The following EBNA1BP2 variants were observed in gnomAD, a reference collection of about 807,000 sequenced individuals.
EBNA1BP2 encodes the protein EBNA1 binding protein 2, also known as probable rRNA-processing protein EBP2.
A neutral mutation model predicts 43.5 loss-of-function variants in EBNA1BP2; 36 were observed. That is an observed-to-expected ratio of 0.83 (90% confidence interval 0.63 to 1.09). EBNA1BP2 has a LOEUF of 1.09. Among genes scored for constraint, EBNA1BP2 ranks in the 50% least tolerant of loss-of-function variants. The pLI is 0.00. For missense variants in EBNA1BP2, 332 were observed against 379.1 expected (o/e 0.88, Z 1.03); for synonymous variants, 127 against 141.3 (o/e 0.90, Z 0.72).
rs1197857459 is a variant in EBNA1BP2 at position 43,169,252 on chromosome 1, T to TCCC, written c.448-225_448-224insGGG. 1.9e-4 allele frequency among the ~76,000 whole-genome samples: 29 copies of TCCC among 152,312 alleles called. 1 individual carries two copies. The highest frequency in any genetic ancestry group is 7.0e-4 in the African/African-American group (29 of 41,562). ...AGTCACCTTCCCGCTCCCAGTGTGC[T>TCCC]GTCTGTTTCATTATACAAACTGCCT... On this transcript the variant is annotated intron_variant, in intron 4 of 8. Coordinates refer to ENST00000236051, the MANE Select transcript of EBNA1BP2 (RefSeq NM_006824.3).
intron 7 of EBNA1BP2, among the ~76,000 whole-genome samples, chr1:43,165,152 T>C (rs758738443): frequency 6.6e-6 from 1 of 152,198 alleles, no homozygotes; most frequent in Non-Finnish European, 1.5e-5. Context: ...GGTAAATACA[T>C]GCAGTTAACA....
In EBNA1BP2 at chr1:43,164,385, T is replaced by C. The variant is rs1442555307; in HGVS notation, c.*58A>G. The C allele has an allele frequency of 6.2e-7, 1 of 1,600,906 alleles. No individual in the cohort carries two copies. The highest frequency in any genetic ancestry group is 1.3e-5 in the African/African-American group (1 of 74,696). The stretch of plus-strand genomic sequence containing the variant: ...CACCAACAGAAGGGATCAAAGTGTG[T>C]CGTGAAATTGCGAGTCTTCATTCCT... On this transcript the variant is annotated 3_prime_UTR_variant, in exon 9 of 9. Transcript: ENST00000236051.
At position 43,172,070 on chromosome 1, in the gene EBNA1BP2, G is replaced by A; in HGVS notation, c.49C>T (p.Leu17Phe). 1.2e-6 allele frequency: 2 copies of A among 1,614,198 alleles called. No individual in the cohort carries two copies. Among genetic ancestry groups the A allele is most frequent in the Non-Finnish European group, 1.7e-6 (2 of 1,180,034 alleles). The change falls in exon 1 of 9, where the codon CTT becomes TTT. Residue 17 changes from leucine to phenylalanine, a missense_variant. Physicochemically the swap from Leu to Phe is conservative, Grantham distance 22. Transcript: ENST00000236051. ...SDSESESDES[L>F]VTDRELQDAF... ...ACACCTACCTCTCTGTCTGTGACAA[G>A]GGATTCATCGGATTCCGACTCCGAA...
At position 43,171,714 on chromosome 1, in the gene EBNA1BP2, G is replaced by C. The variant is rs745416268; in HGVS notation, c.151-63C>G. On this transcript the variant is annotated intron_variant, in intron 2 of 8. Transcript: ENST00000236051. ...TCTGAGTTTGTCTTTCCCAAGCACA[G>C]GCTGTTAGGCGAAGGGACAAAGTGC... 4 of 1,588,932 alleles carry C rather than the reference G, an allele frequency of 2.5e-6. No homozygotes were observed. In the Admixed American group the frequency reaches 7.0e-5, roughly 28 times the overall value.
At chr1:43,168,863 G>T in intron 5 of EBNA1BP2, 76 bp downstream of exon 5, 2 of 1,429,002 alleles carry the variant, frequency 1.4e-6, no homozygotes, top group South Asian at 1.1e-5. Context: ...CAGTTCAGGG[G>T]ACCAAGTCAG....
At position 43,172,149 on chromosome 1, in the gene EBNA1BP2, A is replaced by T; in HGVS notation, c.-31T>A. 6.2e-7 allele frequency: 1 copy of T among 1,613,956 alleles called. No homozygotes were observed. On this transcript the variant is annotated 5_prime_UTR_variant, in exon 1 of 9. Transcript: ENST00000236051. ...CGCACGCACGTCCCACACCTACAGG[A>T]AGAAACGGGGTATCCCGAGACCCAA...
upstream of EBNA1BP2, chr1:43,172,346 T>G: frequency 2.6e-6 from 4 of 1,551,570 alleles, no homozygotes; most frequent in Non-Finnish European, 3.5e-6. Context: ...GGTTTGTCGT[T>G]GCTATAGGAA....
chr1:43,166,148 A>G (rs1284843519), intron 7 of EBNA1BP2, among the ~76,000 whole-genome samples: 1 of 152,178 alleles, frequency 6.6e-6, no homozygotes, highest in Non-Finnish European at 1.5e-5. Context: ...AACTTAGCAG[A>G]TGAGGCAATT....
upstream of EBNA1BP2, chr1:43,172,365 G>C (rs1644995631): frequency 6.4e-7 from 1 of 1,551,504 alleles, no homozygotes; most frequent in African/African-American, 1.4e-5. Context: ...AACCGCTACG[G>C]CGTTTGAAAG....
At chr1:43,170,982 A>C in intron 3 of EBNA1BP2, 103 bp from the exon 4 acceptor site, 1 of 1,421,486 alleles carries the variant, frequency 7.0e-7, no homozygotes, top group Non-Finnish European at 9.2e-7. Flanking sequence ...GACTCTCAAA[A>C]TCTGACCTCC....
rs776660987 is a variant in EBNA1BP2, at chr1:43,172,173, A to G, written c.-55T>C. The G allele has an allele frequency of 1.7e-5, 28 of 1,611,816 alleles. No homozygotes were observed. Among genetic ancestry groups the G allele is most frequent in the Non-Finnish European group, 2.5e-6 (3 of 1,178,976 alleles). ...GAAGAAACGGGGTATCCCGAGACCC[A>G]AGCGGCTAGCAGAGGGCGGCCCTGG... On this transcript the variant is annotated 5_prime_UTR_variant, in exon 1 of 9. Transcript: ENST00000236051.
At chr1:43,166,506 G>A (rs1239621488) in intron 7 of EBNA1BP2, among the ~76,000 whole-genome samples, 2 of 152,186 alleles carry the variant, frequency 1.3e-5, no homozygotes, top group African/African-American at 4.8e-5. Flanking sequence ...CTACTCAGGA[G>A]GCTGAGGCAC....
At position 43,166,966 on chromosome 1, in the gene EBNA1BP2, A is replaced by G. The variant is rs150876153; in HGVS notation, c.614-47T>C. ...TGATCAGCACCATTGTATTTTAAGA[A>G]TAAAAGTTTAAACCACCATATGAGG... On this transcript the variant is annotated intron_variant, in intron 6 of 8. Transcript: ENST00000236051. 2.2e-4 allele frequency: 358 copies of G among 1,595,244 alleles called. 2 individuals carry two copies. The African/African-American group carries it at 4.4e-3, about 19-fold the overall frequency.
At chr1:43,171,835 C>G (rs1161184532) in intron 2 of EBNA1BP2, 51 bp downstream of exon 2, 1 of 1,605,146 alleles carries the variant, frequency 6.2e-7, no homozygotes, top group Admixed American at 1.7e-5. Flanking sequence ...CCCAACAGCG[C>G]CTGAAGCGCA....
At chr1:43,171,764 A>AT in intron 2 of EBNA1BP2, 113 bp from the exon 3 acceptor site, 1 of 1,562,876 alleles carries the variant, frequency 6.4e-7, no homozygotes, top group South Asian at 1.2e-5. Context: ...CAGACAGGTA[A>AT]TTGACCCTCT....
rs755635705 is a variant in EBNA1BP2 at position 43,172,248 on chromosome 1, G to A, written c.-130C>T. The A allele has an allele frequency of 1.9e-6, 3 of 1,560,294 alleles. No homozygotes were observed. Among genetic ancestry groups the A allele is most frequent in the Admixed American group, 1.9e-5 (1 of 51,662 alleles). ...CTACTCCCACGCCGTGGCTCCACGT[G>A]CCACCGAATCGCTCCAGCGCCAGCA... On this transcript the variant is annotated 5_prime_UTR_variant, in exon 1 of 9. Transcript: ENST00000236051.
chr1:43,164,784 A>T lies in EBNA1BP2; in HGVS notation c.729T>A (p.Tyr243Ter), dbSNP rs1477208562. ...CACCAAAACCAAACTTCTGGTTTTT[A>T]TACCGTCGTTTAGCACTGGGCCTGG... is the stretch of plus-strand genomic sequence containing the variant. The part of the protein sequence containing the change: ...MRKGPSAKRR[Y>*]KNQKFGFGGK... The change falls in exon 8 of 9, where the codon TAT becomes TAA. Residue 243 changes from tyrosine to a stop codon, truncating the protein, a stop_gained. Transcript: ENST00000236051. LOFTEE classifies it high-confidence loss of function. The T allele has an allele frequency of 2.5e-6, 4 of 1,614,082 alleles. No homozygotes were observed.
intron 4 of EBNA1BP2, among the ~76,000 whole-genome samples, chr1:43,169,266 T>C (rs1283223906): frequency 6.6e-6 from 1 of 152,206 alleles, no homozygotes; most frequent in Non-Finnish European, 1.5e-5. Context: ...TGTTTCATTA[T>C]ACAAACTGCC....
intron 7 of EBNA1BP2, among the ~76,000 whole-genome samples, chr1:43,166,578 A>G (rs1381723158): frequency 6.6e-6 from 1 of 152,130 alleles, no homozygotes; most frequent in Non-Finnish European, 1.5e-5. Flanking sequence ...AGTGCACTGT[A>G]GCCTGAGTGA....
Sources: gnomAD v4.1 joint callset for allele counts (sites outside exome capture counted in the v4.1 genomes callset) on GRCh38, gnomAD v4.1.1 for gene constraint, MANE v1.5 for transcripts, NCBI Gene and HGNC (gene_info 2026-07-23, HGNC 2026-07-21) for gene names.